CCDC171: variants seen among roughly 807,000 people sequenced by gnomAD.
CCDC171 encodes coiled-coil domain containing 171.
A neutral mutation model predicts 168.2 loss-of-function variants in CCDC171; 177 were observed. The ratio of observed to expected loss-of-function variants is 1.05; its 90% CI spans 0.93 to 1.19. The LOEUF is 1.19. Among genes scored for constraint, CCDC171 ranks in the 50% most tolerant of loss-of-function variants. The probability of loss-of-function intolerance (pLI) is 0.00; values close to 1 mark genes in which losing one functional copy is unlikely to be tolerated. For missense variants in CCDC171, 1,991 were observed against 1,539.0 expected, an observed-to-expected ratio of 1.29 and a Z score of -4.91; for synonymous variants, 687 against 540.8, an observed-to-expected ratio of 1.27 and a Z score of -3.75.
chr9:15,558,307 G>T (rs1344099078), intron 1 of CCDC171, among the ~76,000 whole-genome samples: 2 of 152,168 alleles, frequency 1.3e-5, no homozygotes, highest in Non-Finnish European at 2.9e-5. Flanking sequence ...GTTTCAGAAG[G>T]AATGGTACCA....
chr9:15,716,402 A>G (rs964087851), intron 11 of CCDC171, among the ~76,000 whole-genome samples: 1 of 152,142 alleles, frequency 6.6e-6, no homozygotes, highest in Non-Finnish European at 1.5e-5. Context: ...GCAGTGATTA[A>G]AAGATTATTA....
At chr9:15,707,299 T>G (rs1367128157) in intron 11 of CCDC171, among the ~76,000 whole-genome samples, 1 of 152,238 alleles carries the variant, frequency 6.6e-6, no homozygotes, top group Non-Finnish European at 1.5e-5. Flanking sequence ...GTCATTAATA[T>G]ATGCCAATGT....
At chr9:15,766,742 A>T (rs2056743079) in intron 18 of CCDC171, among the ~76,000 whole-genome samples, 1 of 151,820 alleles carries the variant, frequency 6.6e-6, no homozygotes, top group South Asian at 2.1e-4. Context: ...TGCAGCTTCA[A>T]ATTTCTGGGC....
intron 24 of CCDC171, among the ~76,000 whole-genome samples, chr9:15,902,280 A>ACG (rs1821804743): frequency 6.6e-6 from 1 of 150,470 alleles, no homozygotes; most frequent in African/African-American, 2.4e-5. Context: ...ATATATATAT[A>ACG]TACACACACA....
intron 23 of CCDC171, among the ~76,000 whole-genome samples, chr9:15,855,200 C>T (rs552226518): frequency 1.3e-5 from 2 of 151,814 alleles, no homozygotes; most frequent in Non-Finnish European, 3.0e-5. Flanking sequence ...TATTGTTGAA[C>T]TCTTTTTCCT....
At chr9:16,054,059 CT>C (rs2133075533) in intron 1 of CCDC171, among the ~76,000 whole-genome samples, 1 of 152,308 alleles carries the variant, frequency 6.6e-6, no homozygotes, top group South Asian at 2.1e-4. Context: ...ACCATCTTTC[CT>C]TTTCTTCCGG....
the CCDC171 span, among the ~76,000 whole-genome samples, chr9:16,088,559 A>C: frequency 6.6e-6 from 1 of 152,208 alleles, no homozygotes; most frequent in African/African-American, 2.4e-5. Flanking sequence ...AATCACAAGC[A>C]TTCTTATACA....
chr9:15,778,313 CAAAAAAAAAAAAAAAAAA>C (rs71325933), intron 19 of CCDC171, among the ~76,000 whole-genome samples: 544 of 38,088 alleles, frequency 0.014, 5 homozygotes, highest in African/African-American at 0.057. Context: ...GACTCCGTCT[CAAAAAAAAAAAAAAAAAA>C]AAAAAAAAAA....
rs1159126656 is a variant in CCDC171 at position 15,623,483 on chromosome 9, A to G, written c.822+70A>G. On this transcript the variant is annotated intron_variant, in intron 7 of 25. Transcript: ENST00000380701. ...CACATATGCGCGCGCGCGCACACAC[A>G]CACACACACACACACACACACACAT... 6.0e-3 allele frequency: 3,201 copies of G among 530,244 alleles called. 58 individuals carry two copies. Among genetic ancestry groups the G allele is most frequent in the South Asian group, 0.025 (576 of 23,046 alleles). The allele number at this position is 530,244 out of a possible 1,614,324, so 32.8% of individuals were successfully genotyped here.
chr9:15,668,381 T>C (rs544922876), intron 9 of CCDC171, among the ~76,000 whole-genome samples: 4 of 152,292 alleles, frequency 2.6e-5, no homozygotes, highest in African/African-American at 9.6e-5. Flanking sequence ...CTGTTATTTG[T>C]ATTTTGGTAC....
chr9:15,669,952 T>TAAAAAAAAAAAAAA (rs34465887), intron 9 of CCDC171, among the ~76,000 whole-genome samples: 1 of 112,328 alleles, frequency 8.9e-6, no homozygotes. Flanking sequence ...GCTGAAGTCT[T>TAAAAAAAAAAAAAA]AAAAAAAAAA....
intron 7 of CCDC171, among the ~76,000 whole-genome samples, chr9:15,654,595 C>G (rs1043948335): frequency 1.3e-5 from 2 of 151,912 alleles, no homozygotes; most frequent in African/African-American, 4.8e-5. Flanking sequence ...TGTCTGTAAA[C>G]AAAAAGAAAT....
chr9:15,961,581 AGT>A, intron 25 of CCDC171, among the ~76,000 whole-genome samples: 1 of 152,290 alleles, frequency 6.6e-6, no homozygotes, highest in East Asian at 1.9e-4. Context: ...TTGAAATGAG[AGT>A]GTTCTTTGCT....
chr9:15,986,421 T>G (rs1260802060), intron 3 of CCDC171, among the ~76,000 whole-genome samples: 1 of 152,212 alleles, frequency 6.6e-6, no homozygotes, highest in Non-Finnish European at 1.5e-5. Flanking sequence ...ACACTTAAAG[T>G]TCTCTTTCCA....
chr9:15,775,964 A>G (rs2057301976), intron 18 of CCDC171, among the ~76,000 whole-genome samples: 2 of 152,216 alleles, frequency 1.3e-5, no homozygotes, highest in South Asian at 2.1e-4. Flanking sequence ...GAATACATAT[A>G]TATATTAGGT....
At chr9:15,751,125 C>T (rs898293986) in intron 18 of CCDC171, among the ~76,000 whole-genome samples, 1 of 152,160 alleles carries the variant, frequency 6.6e-6, no homozygotes, top group Non-Finnish European at 1.5e-5. Flanking sequence ...TTCCTATACA[C>T]CAGTAACAGT....
intron 3 of CCDC171, among the ~76,000 whole-genome samples, chr9:15,993,819 GCCAACAGACGCATGAAA>G (rs1832284663): frequency 6.6e-6 from 1 of 152,222 alleles, no homozygotes; most frequent in South Asian, 2.1e-4. Flanking sequence ...CATTCATGCA[GCCAACAGACGCATGAAA>G]AAATGCTTAT....
intron 25 of CCDC171, among the ~76,000 whole-genome samples, chr9:15,966,221 G>C (rs1338430710): frequency 6.6e-6 from 1 of 152,210 alleles, no homozygotes; most frequent in African/African-American, 2.4e-5. Context: ...GATGGGAAGA[G>C]GATCCAGAAA....
intron 2 of CCDC171, among the ~76,000 whole-genome samples, chr9:15,565,500 G>T (rs1390403580): frequency 6.6e-6 from 1 of 152,094 alleles, no homozygotes; most frequent in East Asian, 1.9e-4. Flanking sequence ...ATTTTTAATG[G>T]CTGAATTACT....
Sources: allele counts gnomAD v4.1 joint callset (sites outside exome capture counted in the v4.1 genomes callset), GRCh38; gene constraint gnomAD v4.1.1; transcripts MANE v1.5; gene names NCBI Gene and HGNC (gene_info 2026-07-23, HGNC 2026-07-21).